MLIP: variants seen among roughly 807,000 people sequenced by gnomAD.
The protein encoded by MLIP is muscular LMNA interacting protein.
MLIP carries 79 observed loss-of-function variants against 84.8 expected under a neutral mutation model. That is an observed-to-expected ratio of 0.93 (90% CI 0.78 to 1.12). The LOEUF (loss-of-function observed/expected upper bound fraction) is 1.12, where lower values mean the gene tolerates loss of function less well. Among genes scored for constraint, MLIP ranks in the 50% most tolerant of loss-of-function variants. The pLI, the probability that MLIP is intolerant of heterozygous loss-of-function variation, is 0.00. For synonymous variants in MLIP, 504 were observed against 463.0 expected, an observed-to-expected ratio of 1.09 and a Z score of -1.14; for missense variants, 1,257 against 1,160.6, an observed-to-expected ratio of 1.08 and a Z score of -1.21.
intron 1 of MLIP, among the ~76,000 whole-genome samples, chr6:54,080,697 TTAATA>T (rs1227069702): frequency 1.3e-5 from 2 of 148,252 alleles, no homozygotes; most frequent in East Asian, 3.9e-4. Flanking sequence ...ATACATAAAT[TTAATA>T]TAAGTAATTT....
chr6:54,241,500 A>G (rs1327201872), intron 12 of MLIP, among the ~76,000 whole-genome samples: 1 of 152,142 alleles, frequency 6.6e-6, no homozygotes, highest in African/African-American at 2.4e-5. Flanking sequence ...CAGAAGGTGT[A>G]TAACTTTTTC....
chr6:54,071,080 G>A (rs566321737), intron 1 of MLIP, among the ~76,000 whole-genome samples: 4 of 152,144 alleles, frequency 2.6e-5, no homozygotes, highest in Admixed American at 1.3e-4. Flanking sequence ...ATATAATGTA[G>A]GTGACTTAAT....
chr6:54,071,681 C>T (rs2150344312), intron 1 of MLIP, among the ~76,000 whole-genome samples: 1 of 152,132 alleles, frequency 6.6e-6, no homozygotes, highest in Admixed American at 6.5e-5. Flanking sequence ...TAGATTGTCC[C>T]TGGTAACATC....
At chr6:54,226,734 T>C (rs1340708292) in intron 11 of MLIP, among the ~76,000 whole-genome samples, 1 of 151,908 alleles carries the variant, frequency 6.6e-6, no homozygotes, top group African/African-American at 2.4e-5. Flanking sequence ...ATAGATAAGA[T>C]AGTGCCTCTA....
At chr6:54,120,328 G>C (rs1770331482) in intron 1 of MLIP, among the ~76,000 whole-genome samples, 1 of 151,966 alleles carries the variant, frequency 6.6e-6, no homozygotes, top group Admixed American at 6.5e-5. Flanking sequence ...TCCGCCTCCT[G>C]GGTTCACGCC....
intron 12 of MLIP, among the ~76,000 whole-genome samples, chr6:54,232,166 G>A (rs569582780): frequency 1.1e-4 from 17 of 151,606 alleles, no homozygotes; most frequent in Non-Finnish European, 1.8e-4. Context: ...TTTAATATTT[G>A]CCAACAGCCA....
chr6:54,263,715 G>A (rs935633337), intron 13 of MLIP, among the ~76,000 whole-genome samples: 1 of 146,140 alleles, frequency 6.8e-6, no homozygotes, highest in Non-Finnish European at 1.5e-5. Flanking sequence ...GGTTAACTCT[G>A]AATTTAAAAA....
At chr6:54,169,062 G>A (rs887344981) in intron 8 of MLIP, among the ~76,000 whole-genome samples, 1 of 151,752 alleles carries the variant, frequency 6.6e-6, no homozygotes, top group African/African-American at 2.4e-5. Context: ...TGGTGGATAG[G>A]AGGTAGAGTT....
intron 1 of MLIP, chr6:54,083,650 G>A: frequency 6.5e-7 from 1 of 1,533,794 alleles, no homozygotes. Context: ...ACAATTCCTT[G>A]ATACTGTCAC....
intron 1 of MLIP, among the ~76,000 whole-genome samples, chr6:54,076,680 A>G (rs1225472175): frequency 2.0e-5 from 3 of 152,152 alleles, no homozygotes; most frequent in African/African-American, 7.2e-5. Flanking sequence ...TTTGCATAGC[A>G]TTTTGGAGGC....
chr6:54,033,012 G>C (rs1764226882), intron 1 of MLIP, among the ~76,000 whole-genome samples: 1 of 152,134 alleles, frequency 6.6e-6, no homozygotes, highest in Non-Finnish European at 1.5e-5. Context: ...TGATCCAGTA[G>C]TCTAAATATT....
At chr6:54,252,116 C>CTATAA (rs1392576178) in intron 12 of MLIP, among the ~76,000 whole-genome samples, 4 of 75,186 alleles carry the variant, frequency 5.3e-5, no homozygotes, top group African/African-American at 3.3e-4. Flanking sequence ...TAATATATAA[C>CTATAA]TATATTATAA....
chr6:54,161,649 T>G (rs1301876865), intron 8 of MLIP, among the ~76,000 whole-genome samples: 1 of 151,878 alleles, frequency 6.6e-6, no homozygotes, highest in Non-Finnish European at 1.5e-5. Flanking sequence ...AAAGTAATTT[T>G]CAAATGTACA....
At chr6:54,189,797 A>C in intron 9 of MLIP, 73 bp from the exon 10 acceptor site, 1 of 1,194,604 alleles carries the variant, frequency 8.4e-7, no homozygotes, top group South Asian at 1.3e-5. Context: ...AACAAACTTC[A>C]AAATACTTAA....
rs9382290 is a variant in MLIP, at chr6:54,117,260, G to C, written c.97-4187G>C. 6.0e-4 allele frequency among the ~76,000 whole-genome samples: 85 copies of C among 141,216 alleles called. No individual in the cohort carries two copies. The East Asian group carries it at 7.7e-3, about 13-fold the overall frequency. 92.6% of individuals were successfully genotyped at this position (141,216 alleles called of 152,430 possible). On this transcript the variant is annotated intron_variant, in intron 1 of 13. Coordinates refer to ENST00000502396, the MANE Select transcript of MLIP (RefSeq NM_001281747.2). ...AGATGGAGTCCAGCTGTGTTGCCCAGGCTGGAGCACAGTGGCCGGTCTAGG... is the reference window on the plus strand; with the variant it reads ...AGATGGAGTCCAGCTGTGTTGCCCACGCTGGAGCACAGTGGCCGGTCTAGG...
At chr6:54,182,144 C>G (rs527869164) in intron 9 of MLIP, among the ~76,000 whole-genome samples, 1 of 152,170 alleles carries the variant, frequency 6.6e-6, no homozygotes, top group Non-Finnish European at 1.5e-5. Flanking sequence ...TCCCAGAGCA[C>G]TTTTGCCTAT....
intron 10 of MLIP, among the ~76,000 whole-genome samples, chr6:54,201,170 C>G (rs887185706): frequency 6.6e-6 from 1 of 152,182 alleles, no homozygotes; most frequent in African/African-American, 2.4e-5. Context: ...AACTAGAGTT[C>G]TCCTGCCTCT....
chr6:54,156,682 T>A (rs1013013156), intron 5 of MLIP, among the ~76,000 whole-genome samples: 1 of 152,088 alleles, frequency 6.6e-6, no homozygotes, highest in African/African-American at 2.4e-5. Flanking sequence ...TCATATTACT[T>A]CTATGATTCA....
intron 8 of MLIP, among the ~76,000 whole-genome samples, chr6:54,167,110 G>A (rs143070701): frequency 2.0e-5 from 3 of 151,998 alleles, no homozygotes; most frequent in Middle Eastern, 3.4e-3. Context: ...TAGTACAAGA[G>A]TTTTGTCCCT....
Sources: gnomAD v4.1 joint callset for allele counts (sites outside exome capture counted in the v4.1 genomes callset) on GRCh38, gnomAD v4.1.1 for gene constraint, MANE v1.5 for transcripts, NCBI Gene and HGNC (gene_info 2026-07-23, HGNC 2026-07-21) for gene names.